Variants in KDM5A observed in about 807,000 individuals in gnomAD.
The protein encoded by KDM5A is lysine demethylase 5A.
Under a neutral mutation model 193.5 loss-of-function variants are expected in KDM5A, and 42 were observed. The observed-to-expected ratio is 0.22, with a 90% CI of 0.17 to 0.28. KDM5A has a LOEUF of 0.28. KDM5A is among the 10% of genes least tolerant of loss of function. The probability of loss-of-function intolerance (pLI) is 1.00; values close to 1 mark genes in which losing one functional copy is unlikely to be tolerated. For synonymous variants in KDM5A, 796 were observed against 718.1 expected, an observed-to-expected ratio of 1.11 and a Z score of -1.73; for missense variants, 1,692 against 2,055.1, an observed-to-expected ratio of 0.82 and a Z score of 3.42.
intron 10 of KDM5A, among the ~76,000 whole-genome samples, chr12:347,823 T>G (rs1261663252): frequency 1.3e-5 from 2 of 152,142 alleles, no homozygotes; most frequent in Admixed American, 1.3e-4. Flanking sequence ...GAAGAAAACC[T>G]AGGCAATACC....
rs757891561 is a variant in KDM5A at position 333,521 on chromosome 12, A to G, written c.1619T>C (p.Met540Thr). 6.2e-7 allele frequency: 1 copy of G among 1,614,248 alleles called. No individual in the cohort carries two copies. The highest frequency in any genetic ancestry group is 8.5e-7 in the Non-Finnish European group (1 of 1,180,044). Residue 540 changes from methionine to threonine, a missense_variant, in exon 12 of 28, where the codon ATG (methionine) becomes ACG (threonine). Met to Thr is a moderately conservative substitution (Grantham distance 81, BLOSUM62 -1). This residue lies in a region of KDM5A where 172 missense variants were observed against 260.3 expected (regional missense o/e 0.66). Coordinates refer to ENST00000399788, the MANE Select transcript of KDM5A (RefSeq NM_001042603.3). ...ATGCTCCATTAGCACGTTGGGGTTC[A>G]TGATGGTAACTAACTGATGCAGAAG... is the stretch of plus-strand genomic sequence containing the variant. ...PDLLHQLVTI[M>T]NPNVLMEHGV... is the part of the protein sequence containing the mutation.
chr12:299,293 A>G (rs1042273966), intron 24 of KDM5A, among the ~76,000 whole-genome samples: 39 of 152,226 alleles, frequency 2.6e-4, no homozygotes, highest in African/African-American at 9.2e-4. Context: ...AAGGGCAGCC[A>G]GAGAGAAAGG....
rs748285852 is a variant in KDM5A at position 389,222 on chromosome 12, A to G, written c.-131T>C. 3.4e-6 allele frequency: 3 copies of G among 882,090 alleles called. No individual in the cohort carries two copies. The African/African-American group carries it at 4.9e-5, about 14-fold the overall frequency. 54.6% of individuals were successfully genotyped at this position (882,090 alleles called of 1,614,324 possible). On this transcript the variant is annotated 5_prime_UTR_variant, in exon 1 of 28. Transcript: ENST00000399788. Reference sequence around the variant, plus strand: ...TCTTCGCGGACAAGAACCGTTCAACACAGAAACCCCAGAATCGCTTCCTCC... The same window carrying G: ...TCTTCGCGGACAAGAACCGTTCAACGCAGAAACCCCAGAATCGCTTCCTCC...
intron 10 of KDM5A, among the ~76,000 whole-genome samples, chr12:349,531 T>C (rs1047998598): frequency 1.3e-5 from 2 of 151,060 alleles, no homozygotes; most frequent in African/African-American, 4.9e-5. Context: ...GGTTTCACCA[T>C]CTTGGCCAGG....
At chr12:353,713 G>A (rs955189594) in intron 8 of KDM5A, among the ~76,000 whole-genome samples, 1 of 152,084 alleles carries the variant, frequency 6.6e-6, no homozygotes, top group Non-Finnish European at 1.5e-5. Flanking sequence ...ACGAGGTCAA[G>A]AGACCGAGAC....
At position 361,820 on chromosome 12, in the gene KDM5A, T is replaced by G. The variant is rs919447113; in HGVS notation, c.672+1143A>C. 2.0e-5 allele frequency among the ~76,000 whole-genome samples: 3 copies of G among 152,146 alleles called. No homozygotes were observed. In the South Asian group the frequency reaches 6.2e-4, roughly 32 times the overall value. On this transcript the variant is annotated intron_variant, in intron 5 of 27. Transcript: ENST00000399788. Reference sequence around the variant, plus strand: ...AATTTCCATGAAAGTCACATTCCTATCCAGGATACCTACCTTTCTACTTTC... The same window carrying G: ...AATTTCCATGAAAGTCACATTCCTAGCCAGGATACCTACCTTTCTACTTTC...
In KDM5A at chr12:307,571, A is replaced by G; in HGVS notation, c.3813T>C (p.Ser1271=). The G allele has an allele frequency of 6.2e-7, 1 of 1,614,170 alleles. No individual in the cohort carries two copies. Among genetic ancestry groups the G allele is most frequent in the Non-Finnish European group, 8.5e-7 (1 of 1,180,020 alleles). ...TCAACACAGATAGTTTGGCCAGGGCAGAGGATAGTTCATCTGTGGCTAGAG... is the reference window on the plus strand; with the variant it reads ...TCAACACAGATAGTTTGGCCAGGGCGGAGGATAGTTCATCTGTGGCTAGAG... ...RQALATDELS[S]ALAKLSVLSQ... is the part of the protein sequence containing the mutation. Residue 1271 remains serine, a synonymous_variant, in exon 23 of 28, where the codon TCT becomes TCC. Coordinates refer to ENST00000399788, the MANE Select transcript of KDM5A (RefSeq NM_001042603.3). This position sits in a 1 kb window ranked among gnomAD's most constrained non-coding sequence, Gnocchi z 4.3.
intron 24 of KDM5A, among the ~76,000 whole-genome samples, chr12:298,218 A>G (rs1417677619): frequency 6.6e-6 from 1 of 152,178 alleles, no homozygotes; most frequent in Non-Finnish European, 1.5e-5. Context: ...TGCCTCCTCA[A>G]GTGGGTCCCT....
chr12:288,639 A>T (rs1482046965), intron 27 of KDM5A, among the ~76,000 whole-genome samples: 1 of 152,272 alleles, frequency 6.6e-6, no homozygotes, highest in Non-Finnish European at 1.5e-5. Context: ...CTTACTAATT[A>T]AACTGAGCTT....
At chr12:325,162 T>C (rs531833719) in intron 14 of KDM5A, among the ~76,000 whole-genome samples, 1 of 152,340 alleles carries the variant, frequency 6.6e-6, no homozygotes, top group African/African-American at 2.4e-5. Context: ...ATACTGGCAT[T>C]TAGTATTTTC....
At chr12:295,367 AGAAAGAAAGAG>A (rs1381577913) in intron 26 of KDM5A, among the ~76,000 whole-genome samples, 195 bp downstream of exon 26, 1 of 152,032 alleles carries the variant, frequency 6.6e-6, no homozygotes, top group Non-Finnish European at 1.5e-5. Context: ...AAAGAGAGAA[AGAAAGAAAGAG>A]GGAGGAAGGA....
chr12:348,709 A>C (rs889000084), intron 10 of KDM5A, among the ~76,000 whole-genome samples: 2 of 152,044 alleles, frequency 1.3e-5, no homozygotes, highest in African/African-American at 4.8e-5. Context: ...AGAAGTGAAC[A>C]ATGAGATCAC....
Position 285,586 on chromosome 12 carries a change from G to C in KDM5A, c.4943C>G (p.Ala1648Gly). 6.2e-7 allele frequency: 1 copy of C among 1,613,966 alleles called. No homozygotes were observed. Among genetic ancestry groups the C allele is most frequent in the Non-Finnish European group, 8.5e-7 (1 of 1,179,930 alleles). The change falls in exon 28 of 28, where the codon GCT (alanine) becomes GGT (glycine). Residue 1648 changes from alanine to glycine, a missense_variant. Physicochemically the swap from Ala to Gly is moderately conservative, Grantham distance 60 (BLOSUM62 0). Transcript: ENST00000399788. ...QVCVGVSPEM[A>G]ENEDYICINC... ...TATACAGATGTAATCTTCATTTTCAGCCATTTCTGGAGATACACCCACACA... is the reference window on the plus strand; with the variant it reads ...TATACAGATGTAATCTTCATTTTCACCCATTTCTGGAGATACACCCACACA...
chr12:384,758 G>A (rs542051450), intron 2 of KDM5A, among the ~76,000 whole-genome samples: 1 of 152,294 alleles, frequency 6.6e-6, no homozygotes, highest in East Asian at 1.9e-4. Flanking sequence ...AAATTCAGTA[G>A]ATCGGATTCT....
intron 3 of KDM5A, among the ~76,000 whole-genome samples, chr12:377,712 G>A (rs1944524637): frequency 6.6e-6 from 1 of 152,108 alleles, no homozygotes; most frequent in Non-Finnish European, 1.5e-5. Context: ...GAAATTAGCA[G>A]AAGAAATGTT....
chr12:352,608 A>G (rs2137452079), intron 8 of KDM5A, among the ~76,000 whole-genome samples: 1 of 152,252 alleles, frequency 6.6e-6, no homozygotes, highest in East Asian at 1.9e-4. Flanking sequence ...CTAAAGGACT[A>G]CTGACTTGGA....
chr12:290,809 G>A (rs1208454015), intron 27 of KDM5A, among the ~76,000 whole-genome samples: 1 of 152,200 alleles, frequency 6.6e-6, no homozygotes, highest in South Asian at 2.1e-4. Context: ...GAGCAGAAGG[G>A]AGGGGAAAGA....
At chr12:305,975 T>TTTTG (rs916266147) in intron 24 of KDM5A, among the ~76,000 whole-genome samples, 1 of 146,228 alleles carries the variant, frequency 6.8e-6, no homozygotes, top group Admixed American at 6.7e-5. Context: ...AAGTGTTTTT[T>TTTTG]TTTTTTTTTT....
At chr12:370,654 T>A (rs952913003) in intron 3 of KDM5A, among the ~76,000 whole-genome samples, 1 of 152,006 alleles carries the variant, frequency 6.6e-6, no homozygotes, top group Admixed American at 6.6e-5. Flanking sequence ...GGGTAGTACA[T>A]GTGCACAACG....
Sources: allele counts gnomAD v4.1 joint callset (sites outside exome capture counted in the v4.1 genomes callset), GRCh38; gene constraint gnomAD v4.1.1; regional missense constraint gnomAD v4.1.1; non-coding constraint Gnocchi (gnomAD v3.1); transcripts MANE v1.5; gene names NCBI Gene and HGNC (gene_info 2026-07-23, HGNC 2026-07-21).